Variants in PAK5 observed in about 807,000 individuals in gnomAD.
PAK5 encodes p21 (RAC1) activated kinase 5.
In PAK5, 16 loss-of-function variants were observed where a neutral mutation model predicts 65.9. The observed-to-expected ratio is 0.24, with a 90% CI of 0.16 to 0.37. The LOEUF (loss-of-function observed/expected upper bound fraction) is 0.37. Among genes scored for constraint, PAK5 ranks in the 10% least tolerant of loss-of-function variants. The pLI, the probability that PAK5 is intolerant of heterozygous loss-of-function variation, is 1.00. For synonymous variants in PAK5, 371 were observed against 354.9 expected, an observed-to-expected ratio of 1.05 and a Z score of -0.51; for missense variants, 785 against 903.9, an observed-to-expected ratio of 0.87 and a Z score of 1.69.
In PAK5 at chr20:9,537,389, G is replaced by A; in HGVS notation, c.*2073C>T. 1 of 193,342 alleles carries A rather than the reference G, an allele frequency of 5.2e-6. No individual in the cohort carries two copies. Among genetic ancestry groups the A allele is most frequent in the East Asian group, 8.1e-5 (1 of 12,276 alleles). 12.0% of individuals were successfully genotyped at this position (193,342 alleles called of 1,614,324 possible). A position where few individuals can be genotyped will look rare whatever the true frequency, so the allele number is the denominator to read the frequency against. On this transcript the variant is annotated 3_prime_UTR_variant, in exon 10 of 10. Transcript: ENST00000353224. Reference sequence around the variant, plus strand: ...TCACTGTTTCCAATAACACAATGGGGAAAAGGCAAACATTTATTTTTATTT... The same window carrying A: ...TCACTGTTTCCAATAACACAATGGGAAAAAGGCAAACATTTATTTTTATTT...
At chr20:9,564,075 T>C (rs10485733) in intron 5 of PAK5, among the ~76,000 whole-genome samples, 12,311 of 152,270 alleles carry the variant, frequency 0.081, 644 homozygotes, top group East Asian at 0.24. Context: ...GGATTGTACA[T>C]GCTTTCCTGG....
chr20:9,711,621 G>T (rs2048078787), intron 1 of PAK5, among the ~76,000 whole-genome samples, 186 bp from the exon 2 acceptor site: 1 of 152,080 alleles, frequency 6.6e-6, no homozygotes. Context: ...CCTCAGGTAG[G>T]ATTAGACTCC....
intron 3 of PAK5, among the ~76,000 whole-genome samples, chr20:9,622,790 G>A (rs1394333337): frequency 2.0e-5 from 3 of 152,118 alleles, no homozygotes; most frequent in African/African-American, 4.8e-5. Flanking sequence ...GAAACCATCC[G>A]CACCCCTGTC....
At chr20:9,552,271 C>G (rs1219534810) in intron 7 of PAK5, among the ~76,000 whole-genome samples, 1 of 152,178 alleles carries the variant, frequency 6.6e-6, no homozygotes, top group Admixed American at 6.5e-5. Flanking sequence ...GAATTCCGGC[C>G]AATGAATTTG....
rs149824775 is a variant in PAK5, at chr20:9,589,012, C to T, written c.205-8082G>A. On this transcript the variant is annotated intron_variant, in intron 3 of 9. Coordinates refer to ENST00000353224, the MANE Select transcript of PAK5 (RefSeq NM_177990.4). ...AAAGAGATGAAAAAGTGCCTCTGCCCTCACAGACTGTATTAACCTTGACAA... is the reference window on the plus strand; with the variant it reads ...AAAGAGATGAAAAAGTGCCTCTGCCTTCACAGACTGTATTAACCTTGACAA... Among the ~76,000 whole-genome samples, 744 of 152,294 alleles carry T rather than the reference C, an allele frequency of 4.9e-3. 1 individual carries two copies. Among genetic ancestry groups the T allele is most frequent in the Non-Finnish European group, 6.9e-3 (469 of 68,022 alleles).
chr20:9,785,255 T>C (rs952734610), intron 1 of PAK5, among the ~76,000 whole-genome samples: 2 of 152,164 alleles, frequency 1.3e-5, no homozygotes, highest in Admixed American at 6.5e-5. Flanking sequence ...TCCCCAAAGG[T>C]GGCAAATTAG....
intron 1 of PAK5, among the ~76,000 whole-genome samples, chr20:9,772,918 C>T (rs1257809119): frequency 1.3e-5 from 2 of 152,214 alleles, no homozygotes; most frequent in African/African-American, 4.8e-5. Context: ...AATATTCCAA[C>T]TTCCTCACCC....
chr20:9,662,065 A>G (rs1248972172), intron 2 of PAK5, among the ~76,000 whole-genome samples: 2 of 152,136 alleles, frequency 1.3e-5, no homozygotes, highest in African/African-American at 4.8e-5. Flanking sequence ...TTTTACTATG[A>G]TTCTTGAATA....
At chr20:9,621,077 G>C (rs1305210033) in intron 3 of PAK5, among the ~76,000 whole-genome samples, 1 of 151,910 alleles carries the variant, frequency 6.6e-6, no homozygotes, top group East Asian at 1.9e-4. Context: ...AGCAACAAGA[G>C]CATCTCTGTT....
chr20:9,837,005 G>C (rs1324509244), intron 1 of PAK5, among the ~76,000 whole-genome samples: 1 of 152,188 alleles, frequency 6.6e-6, no homozygotes, highest in East Asian at 1.9e-4. Flanking sequence ...GAGTGGAGAG[G>C]CACTGCCAGA....
chr20:9,799,753 C>T (rs1415514248), intron 1 of PAK5, among the ~76,000 whole-genome samples: 1 of 151,536 alleles, frequency 6.6e-6, no homozygotes, highest in African/African-American at 2.4e-5. Flanking sequence ...CAGCATGACA[C>T]CCATAAAGAA....
intron 1 of PAK5, among the ~76,000 whole-genome samples, chr20:9,808,624 A>T (rs759539711): frequency 6.6e-6 from 1 of 152,196 alleles, no homozygotes; most frequent in African/African-American, 2.4e-5. Context: ...AGCGATCGCA[A>T]AGGAATAAGT....
chr20:9,635,955 A>C (rs1254742681), intron 3 of PAK5, among the ~76,000 whole-genome samples: 1 of 152,188 alleles, frequency 6.6e-6, no homozygotes, highest in Non-Finnish European at 1.5e-5. Flanking sequence ...AAACATCTGG[A>C]AACAGTTTAA....
intron 3 of PAK5, among the ~76,000 whole-genome samples, chr20:9,603,263 TTC>T (rs2046392002): frequency 6.6e-6 from 1 of 152,186 alleles, no homozygotes; most frequent in South Asian, 2.1e-4. Context: ...TGGGAAGTGT[TTC>T]TAGTTGGGGA....
chr20:9,582,339 A>C (rs2045993720), intron 3 of PAK5, among the ~76,000 whole-genome samples: 1 of 152,008 alleles, frequency 6.6e-6, no homozygotes, highest in African/African-American at 2.4e-5. Context: ...GATGACCTTG[A>C]CAGTTTTGAG....
intron 1 of PAK5, among the ~76,000 whole-genome samples, chr20:9,722,029 T>C (rs1259595699): frequency 6.6e-6 from 1 of 152,128 alleles, no homozygotes; most frequent in Non-Finnish European, 1.5e-5. Context: ...ATATCCACTA[T>C]TAACATGTAC....
chr20:9,604,689 T>A (rs1255338149), intron 3 of PAK5, among the ~76,000 whole-genome samples: 4 of 152,240 alleles, frequency 2.6e-5, no homozygotes, highest in Non-Finnish European at 5.9e-5. Flanking sequence ...TCCAGCTTGA[T>A]CTGCTTTGTC....
intron 2 of PAK5, among the ~76,000 whole-genome samples, chr20:9,710,165 TGC>T (rs2048060879): frequency 6.6e-6 from 1 of 152,174 alleles, no homozygotes; most frequent in African/African-American, 2.4e-5. Flanking sequence ...TCCCACAGGC[TGC>T]CTCTCAGTGG....
At chr20:9,629,620 G>A (rs1388665401) in intron 3 of PAK5, among the ~76,000 whole-genome samples, 7 of 152,246 alleles carry the variant, frequency 4.6e-5, no homozygotes, top group African/African-American at 1.2e-4. Flanking sequence ...CACCATGACC[G>A]AGCTCTTCCT....
Sources: gnomAD v4.1 joint callset for allele counts (sites outside exome capture counted in the v4.1 genomes callset) on GRCh38, gnomAD v4.1.1 for gene constraint, MANE v1.5 for transcripts, NCBI Gene and HGNC (gene_info 2026-07-23, HGNC 2026-07-21) for gene names.